The following CLVS1 variants were observed in gnomAD, a reference collection of about 807,000 sequenced individuals.
CLVS1 encodes the protein clavesin 1, also known as clavesin-1.
A neutral mutation model predicts 33.1 loss-of-function variants in CLVS1; 10 were observed. The observed-to-expected ratio is 0.30, with a 90% CI of 0.19 to 0.51. The LOEUF (loss-of-function observed/expected upper bound fraction) is 0.51, where lower values mean the gene tolerates loss of function less well. CLVS1 is among the 20% of genes least tolerant of loss of function. The pLI, the probability that CLVS1 is intolerant of heterozygous loss-of-function variation, is 0.97. For missense variants in CLVS1, 343 were observed against 433.4 expected, an observed-to-expected ratio of 0.79 and a Z score of 1.85; for synonymous variants, 163 against 166.1, an observed-to-expected ratio of 0.98 and a Z score of 0.14.
intron 2 of CLVS1, among the ~76,000 whole-genome samples, chr8:61,368,076 GACC>G (rs1813287712): frequency 6.6e-6 from 1 of 152,216 alleles, no homozygotes; most frequent in South Asian, 2.1e-4. Flanking sequence ...GAAGCACCTG[GACC>G]AAATGTGATA....
intron 2 of CLVS1, chr8:61,300,511 T>A (rs1810387967): frequency 2.3e-6 from 1 of 432,238 alleles, no homozygotes; most frequent in East Asian, 3.6e-5. Context: ...ATTATTCTTT[T>A]CATCAAAGTG....
chr8:61,184,695 A>G (rs1807308459), intron 2 of CLVS1, among the ~76,000 whole-genome samples: 1 of 152,130 alleles, frequency 6.6e-6, no homozygotes, highest in Admixed American at 6.6e-5. Context: ...CCGCCAAACA[A>G]AAGATGCCAG....
intron 3 of CLVS1, chr8:61,377,163 C>A (rs917119488): frequency 5.9e-6 from 1 of 168,486 alleles, no homozygotes; most frequent in Non-Finnish European, 1.3e-5. Context: ...AGAAATGCAC[C>A]CTGCAGATCA....
chr8:61,004,679 TG>T, the CLVS1 span, among the ~76,000 whole-genome samples: 1 of 151,978 alleles, frequency 6.6e-6, no homozygotes, highest in African/African-American at 2.4e-5. Context: ...GGCGACAGGG[TG>T]GGGCCTGCGC....
the CLVS1 span, among the ~76,000 whole-genome samples, chr8:61,026,376 A>C: frequency 1.3e-5 from 2 of 152,138 alleles, no homozygotes; most frequent in South Asian, 4.2e-4. Context: ...TGAGACAATA[A>C]ATGTCTGCTG....
chr8:61,261,993 T>C (rs1809213368), intron 2 of CLVS1, among the ~76,000 whole-genome samples: 1 of 78,056 alleles, frequency 1.3e-5, no homozygotes, highest in African/African-American at 7.4e-5. Context: ...TGTGTGTGTG[T>C]GTGTGTGTGT....
chr8:61,192,881 A>G lies in CLVS1; in HGVS notation c.-152+61021A>G, dbSNP rs548678164. On this transcript the variant is annotated intron_variant, in intron 2 of 2. Coordinates refer to the CLVS1 transcript ENST00000522621. ...AAAGTCAGGAAACAGCAGGTGCTGG[A>G]GAGGACGTGGAGAAATAGGAACACT... Among the ~76,000 whole-genome samples, 766 of 152,270 alleles carry G rather than the reference A, an allele frequency of 5.0e-3. 6 individuals are homozygous for G. The highest frequency in any genetic ancestry group is 8.8e-3 in the Non-Finnish European group (598 of 68,010).
intron 1 of CLVS1, among the ~76,000 whole-genome samples, chr8:61,110,860 G>C (rs552548437): frequency 3.3e-5 from 5 of 152,254 alleles, no homozygotes; most frequent in African/African-American, 1.2e-4. Context: ...CCATGTTGTA[G>C]TCAGAATTTC....
chr8:61,006,515 C>T, the CLVS1 span, among the ~76,000 whole-genome samples: 1 of 152,140 alleles, frequency 6.6e-6, no homozygotes, highest in East Asian at 1.9e-4. Context: ...GGGCAGGTGA[C>T]CCACGACACA....
chr8:61,270,255 G>A (rs1344423332), intron 2 of CLVS1, among the ~76,000 whole-genome samples: 4 of 152,112 alleles, frequency 2.6e-5, no homozygotes, highest in Non-Finnish European at 5.9e-5. Flanking sequence ...GGCTTTTTCT[G>A]CATCTATTGA....
intron 2 of CLVS1, among the ~76,000 whole-genome samples, chr8:61,316,155 T>C (rs1811001545): frequency 6.6e-6 from 1 of 152,232 alleles, no homozygotes; most frequent in Non-Finnish European, 1.5e-5. Context: ...CATTATTGGG[T>C]ATATACCCAA....
rs555073110 is a variant in CLVS1, at chr8:61,154,013, A to G, written c.-152+22153A>G. On this transcript the variant is annotated intron_variant, in intron 2 of 2. Transcript: ENST00000522621. ...AAGAGTGAATATCTGGGAGCTGGAC[A>G]AAAAATCCTATAAATCAGACACCAC... Among the ~76,000 whole-genome samples, 9 of 152,316 alleles carry G rather than the reference A, an allele frequency of 5.9e-5. No individual in the cohort carries two copies. In the East Asian group the frequency reaches 1.7e-3, roughly 29 times the overall value.
At chr8:61,261,234 T>C (rs1809197186) in intron 2 of CLVS1, among the ~76,000 whole-genome samples, 2 of 152,206 alleles carry the variant, frequency 1.3e-5, no homozygotes, top group African/African-American at 4.8e-5. Context: ...TACCTTGCTG[T>C]GCCTTGTAAA....
chr8:61,495,112 T>G lies in CLVS1; in HGVS notation c.978-4343T>G, dbSNP rs904207712. 3.9e-5 allele frequency among the ~76,000 whole-genome samples: 6 copies of G among 152,256 alleles called. No homozygotes were observed. The South Asian group carries it at 1.2e-3, about 32-fold the overall frequency. On this transcript the variant is annotated intron_variant, in intron 5 of 5. Transcript: ENST00000325897. ...TAGAAGAAATCATGTAGATCCCAAT[T>G]TGACTCAATGTGGAGGGGGAAGTGA... is the stretch of plus-strand genomic sequence containing the variant.
At chr8:61,458,571 C>CCG in intron 5 of CLVS1, 29 bp downstream of exon 5, 1 of 1,461,834 alleles carries the variant, frequency 6.8e-7, no homozygotes, top group Non-Finnish European at 9.3e-7. Flanking sequence ...GAGCCCCCCC[C>CCG]CCAGTCAGAG....
At chr8:60,991,011 A>C in the CLVS1 span, among the ~76,000 whole-genome samples, 1 of 152,098 alleles carries the variant, frequency 6.6e-6, no homozygotes, top group Admixed American at 6.6e-5. Flanking sequence ...GTGCCCAACT[A>C]ATTAACAGAT....
the CLVS1 span, among the ~76,000 whole-genome samples, chr8:61,049,787 G>T: frequency 1.3e-5 from 2 of 152,346 alleles, no homozygotes; most frequent in East Asian, 3.9e-4. Flanking sequence ...CATAATGACC[G>T]CCATTACTGG....
chr8:61,416,435 T>C (rs897286721), intron 3 of CLVS1, among the ~76,000 whole-genome samples: 2 of 152,228 alleles, frequency 1.3e-5, no homozygotes, highest in African/African-American at 2.4e-5. Flanking sequence ...CAAGAGGATC[T>C]GTCACTATGT....
chr8:61,224,457 G>T (rs762842675), intron 2 of CLVS1, among the ~76,000 whole-genome samples: 33 of 152,150 alleles, frequency 2.2e-4, no homozygotes, highest in Admixed American at 9.2e-4. Flanking sequence ...TTTGCTGGGG[G>T]TTCACTTCAG....
Sources: gnomAD v4.1 joint callset for allele counts (sites outside exome capture counted in the v4.1 genomes callset) on GRCh38, gnomAD v4.1.1 for gene constraint, MANE v1.5 for transcripts, NCBI Gene and HGNC (gene_info 2026-07-23, HGNC 2026-07-21) for gene names.